Variants in CTNNA2 observed in about 807,000 individuals in gnomAD.
The protein encoded by CTNNA2 is catenin alpha 2, also known as catenin alpha-2.
In CTNNA2, 42 loss-of-function variants were observed where a neutral mutation model predicts 101.0. That is an observed-to-expected ratio of 0.42 (90% CI 0.32 to 0.54). The LOEUF (loss-of-function observed/expected upper bound fraction) is 0.54. CTNNA2 is among the 20% of genes least tolerant of loss of function. The probability of loss-of-function intolerance (pLI) is 0.14; values close to 1 mark genes in which losing one functional copy is unlikely to be tolerated. For synonymous variants in CTNNA2, 450 were observed against 456.4 expected (o/e 0.99, Z 0.18); for missense variants, 871 against 1,223.1 (o/e 0.71, Z 4.29).
intron 14 of CTNNA2, among the ~76,000 whole-genome samples, chr2:80,588,444 T>C (rs912710206): frequency 6.6e-6 from 1 of 152,188 alleles, no homozygotes; most frequent in African/African-American, 2.4e-5. Flanking sequence ...GCAACTCAAT[T>C]TTTTTGCTGC....
intron 3 of CTNNA2, among the ~76,000 whole-genome samples, chr2:79,765,130 A>C (rs1673053609): frequency 6.8e-6 from 1 of 147,606 alleles, no homozygotes. Flanking sequence ...AACAATGTGC[A>C]CAATGTTTGG....
rs368149253 is a variant in CTNNA2 at position 80,604,041 on chromosome 2, G to A, written c.2190-33G>A. On this transcript the variant is annotated intron_variant, in intron 15 of 18. Coordinates refer to ENST00000402739, the MANE Select transcript of CTNNA2 (RefSeq NM_001282597.3). ...GTTGGTCTCTTTCCCGTCATTAAGT[G>A]GATTTCTAATTATGTTGTATATGTT... is the stretch of plus-strand genomic sequence containing the variant. 49 of 1,576,480 alleles carry A rather than the reference G, an allele frequency of 3.1e-5. No homozygotes were observed. In the African/African-American group the frequency reaches 5.9e-4, roughly 19 times the overall value.
chr2:80,361,804 G>T (rs1674433350), intron 7 of CTNNA2, among the ~76,000 whole-genome samples: 1 of 152,092 alleles, frequency 6.6e-6, no homozygotes, highest in Admixed American at 6.6e-5. Flanking sequence ...AGGTGGAAGA[G>T]AAAGAAAATG....
intron 3 of CTNNA2, among the ~76,000 whole-genome samples, chr2:79,846,130 A>G (rs1259756041): frequency 6.6e-6 from 1 of 152,198 alleles, no homozygotes; most frequent in Non-Finnish European, 1.5e-5. Flanking sequence ...TTGAGCTGTA[A>G]TTTTATAGCA....
Position 80,273,161 on chromosome 2 carries a change from T to A in CTNNA2, c.1057-120050T>A, listed in dbSNP as rs553476195. On this transcript the variant is annotated intron_variant, in intron 7 of 18. Transcript: ENST00000402739. ...CTGTTTTATTTTATTTTATTATTTTTAAAATTTTTAACCATAAATCTTGCA... is the reference window on the plus strand; with the variant it reads ...CTGTTTTATTTTATTTTATTATTTTAAAAATTTTTAACCATAAATCTTGCA... Among the ~76,000 whole-genome samples the A allele has an allele frequency of 1.3e-4, 20 of 152,276 alleles. No homozygotes were observed. The East Asian group carries it at 2.9e-3, about 22-fold the overall frequency.
chr2:79,541,437 T>C (rs202166537), intron 1 of CTNNA2, among the ~76,000 whole-genome samples: 61,618 of 132,676 alleles, frequency 0.46, 13,969 homozygotes, highest in Non-Finnish European at 0.51. Flanking sequence ...CATATATATA[T>C]ATATATATAT....
chr2:79,744,639 C>G, intron 3 of CTNNA2, 57 bp downstream of exon 3: 1 of 1,457,984 alleles, frequency 6.9e-7, no homozygotes. Context: ...CAAACAATGG[C>G]TTTTTCTTTA....
intron 7 of CTNNA2, among the ~76,000 whole-genome samples, chr2:80,263,947 T>C (rs189149185): frequency 6.6e-6 from 1 of 152,362 alleles, no homozygotes; most frequent in African/African-American, 2.4e-5. Flanking sequence ...ATACTTAGGC[T>C]TATTAAAGCA....
intron 7 of CTNNA2, among the ~76,000 whole-genome samples, chr2:80,014,045 C>G (rs1176676942): frequency 3.3e-5 from 5 of 152,118 alleles, no homozygotes. Flanking sequence ...GGACCCAAGT[C>G]TAAAATTTTC....
Position 79,335,928 on chromosome 2 carries a change from C to T in CTNNA2, c.-318+23132C>T, listed in dbSNP as rs117019670. Among the ~76,000 whole-genome samples the T allele has an allele frequency of 9.1e-3, 1,378 of 152,226 alleles. 35 individuals are homozygous for T. The highest frequency in any genetic ancestry group is 0.045 in the Admixed American group (689 of 15,288). On this transcript the variant is annotated intron_variant, in intron 3 of 21. Coordinates refer to the CTNNA2 transcript ENST00000466387. ...CTGGGAGATCAGATAACTTGAGAGA[C>T]AGGAAGTCAAAAGCACAGACATTAA...
At chr2:80,396,526 G>A (rs1434413169) in intron 8 of CTNNA2, among the ~76,000 whole-genome samples, 3 of 152,140 alleles carry the variant, frequency 2.0e-5, no homozygotes, top group Non-Finnish European at 1.5e-5. Flanking sequence ...GGCCCACATG[G>A]TCTGTCCATC....
chr2:79,677,665 A>G (rs1295964072), intron 2 of CTNNA2, among the ~76,000 whole-genome samples: 2 of 152,226 alleles, frequency 1.3e-5, no homozygotes, highest in East Asian at 1.9e-4. Context: ...CATCAAGCTT[A>G]GAGTTTAAAG....
At chr2:79,744,893 G>C (rs570493910) in intron 3 of CTNNA2, among the ~76,000 whole-genome samples, 2 of 152,120 alleles carry the variant, frequency 1.3e-5, no homozygotes, top group Non-Finnish European at 2.9e-5. Context: ...AAGACCTAAC[G>C]TTTATAGAGT....
intron 7 of CTNNA2, among the ~76,000 whole-genome samples, chr2:79,959,082 G>T (rs1689449409): frequency 6.6e-6 from 1 of 151,684 alleles, no homozygotes; most frequent in African/African-American, 2.4e-5. Context: ...CTGGAGGCAG[G>T]GTCTCAGTCT....
At chr2:79,347,021 T>A (rs564317379) in intron 3 of CTNNA2, among the ~76,000 whole-genome samples, 6 of 152,280 alleles carry the variant, frequency 3.9e-5, no homozygotes, top group Non-Finnish European at 7.4e-5. Context: ...ATGAGTTCAA[T>A]TAAAGTCCAA....
intron 3 of CTNNA2, among the ~76,000 whole-genome samples, chr2:79,350,073 C>CAA (rs59503765): frequency 4.0e-4 from 23 of 57,426 alleles, no homozygotes; most frequent in Admixed American, 4.8e-4. Context: ...GACTCCTTCT[C>CAA]AAAAAAAAAA....
At chr2:79,472,079 G>T (rs1352686786) in intron 4 of CTNNA2, among the ~76,000 whole-genome samples, 1 of 152,096 alleles carries the variant, frequency 6.6e-6, no homozygotes, top group Non-Finnish European at 1.5e-5. Context: ...TTCATCCTAA[G>T]GTGAAATTCT....
intron 3 of CTNNA2, among the ~76,000 whole-genome samples, chr2:79,794,160 G>C (rs1335641931): frequency 6.6e-6 from 1 of 152,060 alleles, no homozygotes; most frequent in Admixed American, 6.6e-5. Context: ...AAAAAAAGAA[G>C]AGGAAAGAAT....
At chr2:80,271,504 C>T (rs113911807) in intron 7 of CTNNA2, among the ~76,000 whole-genome samples, 7,440 of 151,810 alleles carry the variant, frequency 0.049, 255 homozygotes, top group Non-Finnish European at 0.069. Context: ...TCACTGCAAG[C>T]TCCACCTCCC....
Sources: allele counts gnomAD v4.1 joint callset (sites outside exome capture counted in the v4.1 genomes callset), GRCh38; gene constraint gnomAD v4.1.1; transcripts MANE v1.5; gene names NCBI Gene and HGNC (gene_info 2026-07-23, HGNC 2026-07-21).